The following TLE6 variants were observed in gnomAD, a reference collection of about 807,000 sequenced individuals.
TLE6 encodes transducin-like enhancer protein 6.
TLE6 carries 72 observed loss-of-function variants against 77.1 expected under a neutral mutation model. That is an observed-to-expected ratio of 0.93 (90% CI 0.77 to 1.14). The LOEUF is 1.14. Ranked by LOEUF, TLE6 falls within the 50% of genes most tolerant of loss-of-function variation. TLE6 has a pLI of 0.00. For synonymous variants in TLE6, 366 were observed against 287.3 expected (o/e 1.27, Z -2.77); for missense variants, 843 against 747.6 (o/e 1.13, Z -1.49).
intron 15 of TLE6, 24 bp downstream of exon 15, chr19:2,993,606 G>T (rs1312983854): frequency 6.5e-7 from 1 of 1,536,718 alleles, no homozygotes; most frequent in Admixed American, 2.0e-5. Flanking sequence ...GGAAGATGAG[G>T]GGACTCCCCT....
At chr19:2,988,965 T>C in intron 11 of TLE6, 96 bp from the exon 12 acceptor site, 2 of 1,536,408 alleles carry the variant, frequency 1.3e-6, no homozygotes, top group South Asian at 2.5e-5. Flanking sequence ...GACCCCAAAA[T>C]CTGAAAAAGA....
chr19:2,992,778 T>C (rs1295797559), intron 14 of TLE6, among the ~76,000 whole-genome samples: 3 of 48,890 alleles, frequency 6.1e-5, no homozygotes, highest in Admixed American at 3.7e-4. Context: ...AGACCCTGTC[T>C]CAAAAAAAAA....
In TLE6 at chr19:2,994,912, T is replaced by C; in HGVS notation, c.1627T>C (p.Ser543Pro). Residue 543 changes from serine (S) to proline (P), a missense_variant, in exon 17 of 17, where the codon TCT becomes CCT. Coordinates refer to ENST00000246112, the MANE Select transcript of TLE6 (RefSeq NM_001143986.2). ...GTKVFEVPEM[S>P]PVTCCDVSSN... ...GCCCCCCCTCCAGGTGCCTGAGATG[T>C]CTCCAGTCACGTGCTGTGACGTCTC... 6.3e-7 allele frequency: 1 copy of C among 1,599,610 alleles called. No individual in the cohort carries two copies.
Position 2,994,948 on chromosome 19 carries a change from C to T in TLE6, c.1663C>T (p.Arg555Cys), listed in dbSNP as rs188333998. 7.8e-5 allele frequency: 126 copies of T among 1,609,214 alleles called. 2 individuals are homozygous for T. In the East Asian group the frequency reaches 8.5e-4, roughly 11 times the overall value. ...GTGCTGTGACGTCTCTTCCAACAAC[C>T]GCCTCGTTGTCACAGGCTCCGGGGA... Reference protein sequence around the residue: ...VTCCDVSSNNRLVVTGSGEHA... With the variant: ...VTCCDVSSNNCLVVTGSGEHA... The change falls in exon 17 of 17, where the codon CGC becomes TGC. Residue 555 changes from arginine to cysteine, a missense_variant. Transcript: ENST00000246112.
chr19:2,988,986 G>C, intron 11 of TLE6, 75 bp from the exon 12 acceptor site: 1 of 1,582,910 alleles, frequency 6.3e-7, no homozygotes, highest in Non-Finnish European at 8.6e-7. Flanking sequence ...AGCCCCTCTA[G>C]GCCTTGATGT....
intron 5 of TLE6, among the ~76,000 whole-genome samples, chr19:2,985,433 G>A (rs1335718893): frequency 3.5e-5 from 4 of 112,886 alleles, no homozygotes; most frequent in Non-Finnish European, 6.8e-5. Context: ...GACAAGTCTC[G>A]CTCTGTCACC....
chr19:2,989,796 G>C lies in TLE6; in HGVS notation c.1244+11G>C, dbSNP rs1360465047. 3.1e-6 allele frequency: 5 copies of C among 1,607,934 alleles called. No homozygotes were observed. The African/African-American group carries it at 5.4e-5, about 17-fold the overall frequency. On this transcript the variant is annotated intron_variant, in intron 13 of 16. Coordinates refer to ENST00000246112, the MANE Select transcript of TLE6 (RefSeq NM_001143986.2). ...TCAGAGTGTGGTCAGGTGCGTTTGG[G>C]GGGTGGGAAGGGGAAGCATCCTGTG...
intron 16 of TLE6, among the ~76,000 whole-genome samples, 182 bp from the exon 17 acceptor site, chr19:2,994,718 T>A (rs2089170133): frequency 6.6e-6 from 1 of 152,016 alleles, no homozygotes; most frequent in African/African-American, 2.4e-5. Flanking sequence ...GCAGGAAGAT[T>A]GTGTGAGTCC....
At chr19:2,981,914 G>T (rs1012336174) in intron 4 of TLE6, among the ~76,000 whole-genome samples, 2 of 152,040 alleles carry the variant, frequency 1.3e-5, no homozygotes, top group Non-Finnish European at 2.9e-5. Flanking sequence ...AGAGGTTGCG[G>T]TGAACTGAGA....
Position 2,987,757 on chromosome 19 carries a change from C to T in TLE6, c.592C>T (p.Pro198Ser), listed in dbSNP as rs772091672. 3.1e-6 allele frequency: 5 copies of T among 1,614,162 alleles called. No homozygotes were observed. The highest frequency in any genetic ancestry group is 2.2e-5 in the East Asian group (1 of 44,878). The change falls in exon 9 of 17, where the codon CCA becomes TCA. Residue 198 changes from proline to serine, a missense_variant. Pro to Ser is a moderately conservative substitution (Grantham distance 74). Coordinates refer to ENST00000246112, the MANE Select transcript of TLE6 (RefSeq NM_001143986.2). ...QESKAPGSCD[P>S]GTDPCPEDAS... ...AAGCAAGGCACCAGGATCCTGTGAC[C>T]CAGGAACAGACCCATGTCCTGAAGA...
At chr19:2,987,697 GC>G in intron 8 of TLE6, 26 bp from the exon 9 acceptor site, 1 of 1,613,684 alleles carries the variant, frequency 6.2e-7, no homozygotes, top group Non-Finnish European at 8.5e-7. Flanking sequence ...AGGTCAGCAG[GC>G]CTGATGAGAC....
At chr19:2,978,352 T>C in intron 2 of TLE6, 68 bp downstream of exon 2, 1 of 1,509,618 alleles carries the variant, frequency 6.6e-7, no homozygotes, top group East Asian at 2.5e-5. Flanking sequence ...CTGCCCCTTT[T>C]CCACCTGTGA....
chr19:2,991,376 G>GTA (rs369766984), intron 13 of TLE6, among the ~76,000 whole-genome samples: 2,167 of 105,494 alleles, frequency 0.021, 43 homozygotes, highest in Middle Eastern at 0.048. Context: ...AAAAAAATAC[G>GTA]TATATATATA....
chr19:2,987,482 C>G lies in TLE6; in HGVS notation c.558+110C>G, dbSNP rs769420040. 9.3e-6 allele frequency: 14 copies of G among 1,511,498 alleles called. No homozygotes were observed. The South Asian group carries it at 1.5e-4, about 16-fold the overall frequency. 93.6% of individuals were successfully genotyped at this position (1,511,498 alleles called of 1,614,324 possible). The stretch of plus-strand genomic sequence containing the variant: ...CTGTGGGATTTGTCTTCCTTCCATC[C>G]TGCCCCTCGGGTCCCCCGGGGGGGA... On this transcript the variant is annotated intron_variant, in intron 8 of 16. Transcript: ENST00000246112.
chr19:2,980,220 G>A, intron 3 of TLE6, 38 bp downstream of exon 3: 1 of 1,520,776 alleles, frequency 6.6e-7, no homozygotes, highest in South Asian at 1.2e-5. Context: ...CTCACGCTGG[G>A]AAGGAGCCCC....
At chr19:2,983,627 G>GAGGGGAGGGCAGGGAT (rs142723711) in intron 5 of TLE6, among the ~76,000 whole-genome samples, 6 of 149,056 alleles carry the variant, frequency 4.0e-5, no homozygotes, top group African/African-American at 1.0e-4. Flanking sequence ...AGAGGAGGAG[G>GAGGGGAGGGCAGGGAT]GGGGGAGGGC....
In TLE6 at chr19:2,994,074, G is replaced by A. The variant is rs73514575; in HGVS notation, c.1593G>A (p.Pro531=). The change falls in exon 16 of 17, where the codon CCG becomes CCA. Residue 531 remains proline, a synonymous_variant. Transcript: ENST00000246112. ...ACTTCCTTGGCGTCTACAGCATGCC[G>A]GCGGGGACAAAAGTGTTCGAGGTAC... The part of the protein sequence containing the change: ...MDDFLGVYSM[P]AGTKVFEVPE... 7,264 of 1,606,276 alleles carry A rather than the reference G, an allele frequency of 4.5e-3. 227 individuals are homozygous for A. In the African/African-American group the frequency reaches 0.074, roughly 16 times the overall value.
chr19:2,980,762 C>T (rs1180682624), intron 3 of TLE6, among the ~76,000 whole-genome samples: 1 of 148,064 alleles, frequency 6.8e-6, no homozygotes, highest in Non-Finnish European at 1.5e-5. Flanking sequence ...AAAAAAAGTA[C>T]TGCATGGGCT....
chr19:2,993,210 CAAAAT>C (rs1459776950), intron 14 of TLE6, among the ~76,000 whole-genome samples: 1 of 152,130 alleles, frequency 6.6e-6, no homozygotes, highest in South Asian at 2.1e-4. Context: ...GACTCCGTCT[CAAAAT>C]AAACACTCAT....
Sources: gnomAD v4.1 joint callset for allele counts (sites outside exome capture counted in the v4.1 genomes callset) on GRCh38, gnomAD v4.1.1 for gene constraint, MANE v1.5 for transcripts, NCBI Gene and HGNC (gene_info 2026-07-23, HGNC 2026-07-21) for gene names.